OSBPL10: variants seen among roughly 807,000 people sequenced by gnomAD.
The protein encoded by OSBPL10 is oxysterol-binding protein-related protein 10.
OSBPL10 carries 49 observed loss-of-function variants against 81.7 expected under a neutral mutation model. The ratio of observed to expected loss-of-function variants is 0.60; its 90% CI spans 0.48 to 0.76. The LOEUF is 0.76. OSBPL10 is among the 30% of genes least tolerant of loss of function. The pLI, the probability that OSBPL10 is intolerant of heterozygous loss-of-function variation, is 0.00. For missense variants in OSBPL10, 923 were observed against 987.8 expected, an observed-to-expected ratio of 0.93 and a Z score of 0.88; for synonymous variants, 419 against 383.6, an observed-to-expected ratio of 1.09 and a Z score of -1.08.
chr3:31,896,727 G>C (rs931703416), intron 1 of OSBPL10, among the ~76,000 whole-genome samples: 1 of 152,196 alleles, frequency 6.6e-6, no homozygotes, highest in African/African-American at 2.4e-5. Context: ...GCCTTAGAGG[G>C]GGTCACCTCT....
chr3:31,792,688 TGGG>T (rs1699048726), intron 4 of OSBPL10, among the ~76,000 whole-genome samples: 1 of 149,316 alleles, frequency 6.7e-6, no homozygotes, highest in South Asian at 2.1e-4. Flanking sequence ...GTTGGTGTTG[TGGG>T]GGTGTGCAGG....
chr3:31,814,545 A>G lies in OSBPL10; in HGVS notation c.729+15495T>C, dbSNP rs977185325. Among the ~76,000 whole-genome samples the G allele has an allele frequency of 2.6e-5, 4 of 152,310 alleles. No homozygotes were observed. The East Asian group carries it at 7.7e-4, about 29-fold the overall frequency. ...ACGCAGGGAGAACGCCACAGGACAC[A>G]GGTGCCCGAAGCTGGAGTGATGCGT... On this transcript the variant is annotated intron_variant, in intron 4 of 11. Transcript: ENST00000396556.
intron 4 of OSBPL10, among the ~76,000 whole-genome samples, chr3:31,783,120 T>TATATATATATATATAC (rs2125773680): frequency 5.0e-5 from 1 of 20,094 alleles, no homozygotes; most frequent in African/African-American, 1.4e-4. Context: ...ATTATATATA[T>TATATATATATATATAC]ATATATATAT....
chr3:31,753,034 T>G (rs1697767387), intron 4 of OSBPL10, among the ~76,000 whole-genome samples: 1 of 152,190 alleles, frequency 6.6e-6, no homozygotes, highest in Non-Finnish European at 1.5e-5. Context: ...ACATACAAGA[T>G]GGCCTTGGTT....
At chr3:31,802,638 T>C (rs1384236132) in intron 4 of OSBPL10, among the ~76,000 whole-genome samples, 3 of 151,966 alleles carry the variant, frequency 2.0e-5, no homozygotes, top group Non-Finnish European at 4.4e-5. Flanking sequence ...TAATTCCCCT[T>C]CTTTTCAACA....
chr3:31,769,301 C>T (rs1188927978), intron 4 of OSBPL10, among the ~76,000 whole-genome samples: 2 of 151,088 alleles, frequency 1.3e-5, no homozygotes, highest in African/African-American at 4.9e-5. Flanking sequence ...AAAAATTAGC[C>T]AGGTGTGGTG....
chr3:31,881,022 T>A (rs1275188628), intron 1 of OSBPL10, among the ~76,000 whole-genome samples: 1 of 152,146 alleles, frequency 6.6e-6, no homozygotes, highest in African/African-American at 2.4e-5. Flanking sequence ...AGAATGCTAC[T>A]CCCCCTGCCT....
chr3:31,769,899 C>CGAAG (rs1698324634), intron 4 of OSBPL10, among the ~76,000 whole-genome samples: 1 of 54,292 alleles, frequency 1.8e-5, no homozygotes, highest in Non-Finnish European at 3.8e-5. Context: ...CATGGATCCC[C>CGAAG]TAAGAAGGTT....
rs143612226 is a variant in OSBPL10 at position 31,809,575 on chromosome 3, A to G, written c.729+20465T>C. 9.8e-5 allele frequency among the ~76,000 whole-genome samples: 15 copies of G among 152,336 alleles called. No homozygotes were observed. In the East Asian group the frequency reaches 2.9e-3, roughly 29 times the overall value. On this transcript the variant is annotated intron_variant, in intron 4 of 11. Transcript: ENST00000396556. ...GACACGGAGGTTTTAAAAGCTAGAC[A>G]TGCTGAGTCTGAAGTTCTTGTGGAA...
At chr3:31,833,699 G>GCGCACACA (rs1491089861) in intron 3 of OSBPL10, among the ~76,000 whole-genome samples, 2 of 118,914 alleles carry the variant, frequency 1.7e-5, no homozygotes, top group East Asian at 2.8e-4. Flanking sequence ...ACACGCACAC[G>GCGCACACA]CACACGCACA....
intron 4 of OSBPL10, among the ~76,000 whole-genome samples, chr3:31,809,373 A>G (rs1488388720): frequency 1.3e-5 from 2 of 152,236 alleles, no homozygotes; most frequent in Non-Finnish European, 2.9e-5. Context: ...AATACTTGGC[A>G]ATTAAAAGGA....
chr3:31,801,498 T>C (rs899906990), intron 4 of OSBPL10, among the ~76,000 whole-genome samples: 8 of 152,212 alleles, frequency 5.3e-5, no homozygotes, highest in African/African-American at 1.7e-4. Context: ...GAGCATTTAC[T>C]GTGAGTGTGG....
chr3:31,723,571 C>CACACACACA (rs376763435), intron 6 of OSBPL10, among the ~76,000 whole-genome samples: 2 of 151,120 alleles, frequency 1.3e-5, no homozygotes, highest in Admixed American at 6.6e-5. Flanking sequence ...CACACACACA[C>CACACACACA]CCCTTTCCCT....
intron 6 of OSBPL10, chr3:31,721,759 CA>C (rs983488535): frequency 3.4e-4 from 52 of 152,276 alleles, no homozygotes; most frequent in African/African-American, 1.3e-3. Flanking sequence ...TTCATATCTA[CA>C]AATAAAGATA....
At chr3:31,927,630 C>A (rs1461285316) in intron 1 of OSBPL10, among the ~76,000 whole-genome samples, 1 of 152,186 alleles carries the variant, frequency 6.6e-6, no homozygotes, top group African/African-American at 2.4e-5. Flanking sequence ...CCCTAAGTGG[C>A]CTTGGTTTTA....
intron 7 of OSBPL10, among the ~76,000 whole-genome samples, chr3:31,696,002 C>T (rs1695711063): frequency 6.6e-6 from 1 of 152,156 alleles, no homozygotes; most frequent in African/African-American, 2.4e-5. Context: ...TATCAACCTC[C>T]TTTTAAAGAT....
chr3:31,687,439 G>C (rs1383283845), intron 7 of OSBPL10, among the ~76,000 whole-genome samples: 1 of 151,758 alleles, frequency 6.6e-6, no homozygotes, highest in Non-Finnish European at 1.5e-5. Flanking sequence ...AATTTAGTCA[G>C]CATTTCTGAA....
chr3:32,039,061 A>G (rs1336242228), intron 2 of OSBPL10, among the ~76,000 whole-genome samples: 1 of 152,176 alleles, frequency 6.6e-6, no homozygotes, highest in African/African-American at 2.4e-5. Flanking sequence ...ATGGTGGCTC[A>G]TGCCTGTAAT....
At chr3:31,868,790 C>CT (rs1308681646) in intron 3 of OSBPL10, among the ~76,000 whole-genome samples, 3 of 152,088 alleles carry the variant, frequency 2.0e-5, no homozygotes, top group Non-Finnish European at 2.9e-5. Flanking sequence ...GACTTTTGTT[C>CT]TTTTTACCCT....
Sources: gnomAD v4.1 joint callset for allele counts (sites outside exome capture counted in the v4.1 genomes callset) on GRCh38, gnomAD v4.1.1 for gene constraint, MANE v1.5 for transcripts, NCBI Gene and HGNC (gene_info 2026-07-23, HGNC 2026-07-21) for gene names.